The following LRCH2 variants were observed in gnomAD, a reference collection of about 807,000 sequenced individuals.
LRCH2 encodes leucine-rich repeat and calponin homology domain-containing protein 2.
A neutral mutation model predicts 68.9 loss-of-function variants in LRCH2; 38 were observed. The observed-to-expected ratio is 0.55, with a 90% CI of 0.43 to 0.72. LRCH2 has a LOEUF of 0.72. Among genes scored for constraint, LRCH2 ranks in the 30% least tolerant of loss-of-function variants. The pLI, the probability that LRCH2 is intolerant of heterozygous loss-of-function variation, is 0.00. For synonymous variants in LRCH2, 191 were observed against 208.1 expected (o/e 0.92, Z 0.71); for missense variants, 528 against 572.9 (o/e 0.92, Z 0.80).
chrX:115,207,513 T>C lies in LRCH2; in HGVS notation c.350-19143A>G, dbSNP rs189585087. ...ATGATCATGCCACTGCACTCATGCC[T>C]GGGTGACAGTGAGACCCTGTCTTTT... is the stretch of plus-strand genomic sequence containing the variant. On this transcript the variant is annotated intron_variant, in intron 1 of 20. Transcript: ENST00000317135. Among the ~76,000 whole-genome samples, 1,043 of 111,885 alleles carry C rather than the reference T, an allele frequency of 9.3e-3. 1 individual carries two copies. The highest frequency in any genetic ancestry group is 0.016 in the Non-Finnish European group (830 of 53,143).
intron 1 of LRCH2, among the ~76,000 whole-genome samples, chrX:115,213,396 C>T (rs1209084987): frequency 1.8e-5 from 2 of 111,604 alleles, no homozygotes; most frequent in Admixed American, 9.5e-5. Context: ...AATTCTGATC[C>T]TCACCTTCCA....
chrX:115,147,943 T>G (rs1472878605), intron 14 of LRCH2, among the ~76,000 whole-genome samples: 1 of 110,982 alleles, frequency 9.0e-6, no homozygotes, highest in African/African-American at 3.3e-5. Flanking sequence ...TTCTAGCTAC[T>G]GGGGAGGCTG....
At chrX:115,133,799 C>T (rs1217244294) in intron 14 of LRCH2, among the ~76,000 whole-genome samples, 2 of 111,615 alleles carry the variant, frequency 1.8e-5, no homozygotes, top group African/African-American at 6.5e-5. Flanking sequence ...TTCCCTGACA[C>T]ACAATAATAT....
intron 1 of LRCH2, 92 bp from the exon 2 acceptor site, chrX:115,188,462 A>G (rs1298798204): frequency 1.7e-6 from 1 of 601,609 alleles, no homozygotes; most frequent in Non-Finnish European, 2.4e-6. Flanking sequence ...TTAGAATCTA[A>G]GCAACTACTT....
Position 115,188,252 on chromosome X carries a change from C to A in LRCH2, c.468G>T (p.Leu156=). Residue 156 remains leucine (L), a synonymous_variant, in exon 2 of 21, where the codon CTG becomes CTT. Coordinates refer to ENST00000317135, the MANE Select transcript of LRCH2 (RefSeq NM_020871.4). ...TAATGTTAAGGTATGTTAACATCTG[C>A]AGATTTTTAATGGCTTCAGGAATGG... is the stretch of plus-strand genomic sequence containing the variant. The part of the protein sequence containing the change: ...IKTIPEAIKN[L]QMLTYLNISR... The A allele has an allele frequency of 8.6e-7, 1 of 1,169,471 alleles. No homozygotes were observed. The highest frequency in any genetic ancestry group is 1.1e-6 in the Non-Finnish European group (1 of 874,186).
At position 115,217,307 on chromosome X, in the gene LRCH2, C is replaced by A. The variant is rs145777285; in HGVS notation, c.349+16386G>T. Among the ~76,000 whole-genome samples, 1,046 of 111,004 alleles carry A rather than the reference C, an allele frequency of 9.4e-3. 14 individuals are homozygous for A. The highest frequency in any genetic ancestry group is 0.032 in the African/African-American group (984 of 30,474). ...GGTTTGTTACATAGGTATACAAGTG[C>A]CATGGTGGTTTGCAGCACCCATCAA... On this transcript the variant is annotated intron_variant, in intron 1 of 20. Transcript: ENST00000317135.
intron 1 of LRCH2, among the ~76,000 whole-genome samples, chrX:115,197,847 T>TCACACACA (rs1556564243): frequency 2.7e-3 from 55 of 20,558 alleles, no homozygotes; most frequent in African/African-American, 9.3e-3. Context: ...TCTCTCTCTC[T>TCACACACA]CACACACACA....
At chrX:115,137,672 G>A (rs1356670423) in intron 14 of LRCH2, among the ~76,000 whole-genome samples, 8 of 112,024 alleles carry the variant, frequency 7.1e-5, no homozygotes, top group African/African-American at 2.6e-4. Context: ...ACGCCAGATT[G>A]CAGTGGGTTA....
chrX:115,190,852 T>TA, intron 1 of LRCH2: 1 of 1,153,179 alleles, frequency 8.7e-7, no homozygotes, highest in East Asian at 3.3e-5. Context: ...AGGAGGCCGT[T>TA]ATGAGGAGTA....
At chrX:115,158,314 GAGA>G (rs2072491285) in intron 11 of LRCH2, among the ~76,000 whole-genome samples, 1 of 111,513 alleles carries the variant, frequency 9.0e-6, no homozygotes, top group Admixed American at 9.6e-5. Context: ...CAAAAGATGG[GAGA>G]AGATGTTTTT....
intron 14 of LRCH2, among the ~76,000 whole-genome samples, chrX:115,133,517 TG>T (rs2072263863): frequency 8.9e-6 from 1 of 112,276 alleles, no homozygotes; most frequent in Non-Finnish European, 1.9e-5. Flanking sequence ...AAAAAGTTTG[TG>T]GCAACCCTGT....
At position 115,118,717 on chromosome X, in the gene LRCH2, A is replaced by C. The variant is rs782115343; in HGVS notation, c.2178+3810T>G. 2.0e-4 allele frequency among the ~76,000 whole-genome samples: 22 copies of C among 111,381 alleles called. No homozygotes were observed. In the South Asian group the frequency reaches 2.7e-3, roughly 14 times the overall value. On this transcript the variant is annotated intron_variant, in intron 20 of 20. Transcript: ENST00000317135. The stretch of plus-strand genomic sequence containing the variant: ...AAAGCCGAGCAGAGACACAACCAAA[A>C]AAGAGAATTTCAGACCAATATCCTT...
intron 1 of LRCH2, chrX:115,191,710 C>G: frequency 8.6e-7 from 1 of 1,164,210 alleles, no homozygotes; most frequent in Non-Finnish European, 1.1e-6. Context: ...TGGCCGCTTG[C>G]CTGACGCCTA....
chrX:115,181,940 ACTTTTTTTT>A (rs1556552931), intron 3 of LRCH2, among the ~76,000 whole-genome samples: 26 of 111,831 alleles, frequency 2.3e-4, no homozygotes, highest in African/African-American at 7.5e-4. Context: ...ACATATATTA[ACTTTTTTTT>A]CTTGTCATTA....
At chrX:115,190,751 GC>G in intron 1 of LRCH2, 1 of 1,166,083 alleles carries the variant, frequency 8.6e-7, no homozygotes, top group Non-Finnish European at 1.1e-6. Flanking sequence ...CGCAGCGGGG[GC>G]CGCTCCACTG....
At chrX:115,183,999 G>A (rs1556553554) in intron 3 of LRCH2, among the ~76,000 whole-genome samples, 11 of 112,237 alleles carry the variant, frequency 9.8e-5, no homozygotes, top group Admixed American at 9.5e-4. Flanking sequence ...GTGAGGAAGA[G>A]TTATGTTGCT....
rs192528363 is a variant in LRCH2 at position 115,143,332 on chromosome X, A to C, written c.1695+6495T>G. ...TGATACCACAGAAATTCGAAGGGCC[A>C]CTACTAGCTACTATGAACAACTATG... On this transcript the variant is annotated intron_variant, in intron 14 of 20. Coordinates refer to ENST00000317135, the MANE Select transcript of LRCH2 (RefSeq NM_020871.4). Among the ~76,000 whole-genome samples the C allele has an allele frequency of 3.2e-4, 36 of 111,317 alleles. No homozygotes were observed. In the East Asian group the frequency reaches 9.1e-3, roughly 28 times the overall value.
intron 11 of LRCH2, among the ~76,000 whole-genome samples, chrX:115,161,128 G>A (rs1187675624): frequency 1.1e-5 from 1 of 92,600 alleles, no homozygotes; most frequent in African/African-American, 3.4e-5. Context: ...CGAGGCGGGT[G>A]GAACCCCTGA....
At chrX:115,122,697 A>T in intron 19 of LRCH2, 63 bp downstream of exon 19, 3 of 1,178,059 alleles carry the variant, frequency 2.5e-6, no homozygotes, top group Non-Finnish European at 3.4e-6. Context: ...TATATTATTT[A>T]AAGACAATTT....
Sources: gnomAD v4.1 joint callset for allele counts (sites outside exome capture counted in the v4.1 genomes callset) on GRCh38, gnomAD v4.1.1 for gene constraint, MANE v1.5 for transcripts, NCBI Gene and HGNC (gene_info 2026-07-23, HGNC 2026-07-21) for gene names.